CHST15: variants seen among roughly 807,000 people sequenced by gnomAD.
CHST15 encodes the protein carbohydrate sulfotransferase 15, also known as B cell RAG associated protein (GALNAC4S-6ST).
In CHST15, 30 loss-of-function variants were observed where a neutral mutation model predicts 53.6. That is an observed-to-expected ratio of 0.56 (90% confidence interval 0.42 to 0.76). The LOEUF (loss-of-function observed/expected upper bound fraction) is 0.76, where lower values mean the gene tolerates loss of function less well. Ranked by LOEUF, CHST15 falls within the 30% of genes least tolerant of loss-of-function variation. The pLI, the probability that CHST15 is intolerant of heterozygous loss-of-function variation, is 0.00. For missense variants in CHST15, 627 were observed against 740.5 expected (o/e 0.85, Z 1.78); for synonymous variants, 296 against 289.8 (o/e 1.02, Z -0.22).
At chr10:124,085,174 A>T (rs1222143084) in intron 1 of CHST15, among the ~76,000 whole-genome samples, 1 of 152,266 alleles carries the variant, frequency 6.6e-6, no homozygotes, top group Non-Finnish European at 1.5e-5. Context: ...ATGCCAGGAC[A>T]TACTTTATAT....
At chr10:124,013,833 C>T (rs1946496599) in intron 6 of CHST15, among the ~76,000 whole-genome samples, 1 of 152,180 alleles carries the variant, frequency 6.6e-6, no homozygotes, top group Non-Finnish European at 1.5e-5. Flanking sequence ...CTGTGTCTGC[C>T]CAGAACTTCT....
In CHST15 at chr10:124,045,851, C is replaced by T; in HGVS notation, c.362G>A (p.Ser121Asn). Reference sequence around the variant, plus strand: ...ACTTGGGTTTTCGCTGTCCATCAAGCTGGGGTTGCTGGGGAAGCCTCCGTA... The same window carrying T: ...ACTTGGGTTTTCGCTGTCCATCAAGTTGGGGTTGCTGGGGAAGCCTCCGTA... Reference protein sequence around the residue: ...FHYGGFPSNPSLMDSENPSDT... With the variant: ...FHYGGFPSNPNLMDSENPSDT... Residue 121 changes from serine (S) to asparagine (N), a missense_variant, in exon 2 of 8, where the codon AGC becomes AAC. Ser to Asn is a conservative substitution (Grantham distance 46). Around this residue, in one of 3 missense-constraint regions of CHST15, gnomAD observed 187 missense variants for 251.8 expected, o/e 0.74. Coordinates refer to ENST00000435907, the MANE Select transcript of CHST15 (RefSeq NM_001270764.2). The T allele has an allele frequency of 6.2e-7, 1 of 1,613,804 alleles. No homozygotes were observed. Among genetic ancestry groups the T allele is most frequent in the Non-Finnish European group, 8.5e-7 (1 of 1,179,992 alleles).
chr10:124,037,825 A>T (rs192268142), intron 5 of CHST15, among the ~76,000 whole-genome samples: 200 of 152,334 alleles, frequency 1.3e-3, no homozygotes, highest in Non-Finnish European at 2.4e-3. Context: ...GGATAAAGGC[A>T]TCAACCACGT....
At position 124,063,337 on chromosome 10, in the gene CHST15, C is replaced by T. The variant is rs1301278982; in HGVS notation, c.-512-16613G>A. 4.6e-5 allele frequency among the ~76,000 whole-genome samples: 7 copies of T among 151,962 alleles called. 1 individual carries two copies. In the South Asian group the frequency reaches 1.2e-3, roughly 27 times the overall value. On this transcript the variant is annotated intron_variant, in intron 1 of 7. Transcript: ENST00000435907. The stretch of plus-strand genomic sequence containing the variant: ...GGTGGAGGTTGCAGTGAGCTGAGAT[C>T]GCACCACTGCACTCCAGCCTGGGGG...
chr10:124,069,500 G>A (rs1948849080), intron 1 of CHST15, among the ~76,000 whole-genome samples: 1 of 152,194 alleles, frequency 6.6e-6, no homozygotes, highest in African/African-American at 2.4e-5. Flanking sequence ...TCTCTGGCAA[G>A]TCTCTGAGTC....
intron 1 of CHST15, among the ~76,000 whole-genome samples, chr10:124,091,697 G>C (rs1283360295): frequency 6.6e-6 from 1 of 152,272 alleles, no homozygotes; most frequent in African/African-American, 2.4e-5. Context: ...TAACCAACGT[G>C]AACAAGGCGA....
intron 1 of CHST15, among the ~76,000 whole-genome samples, chr10:124,056,412 G>A (rs1948382359): frequency 6.6e-6 from 1 of 152,182 alleles, no homozygotes; most frequent in African/African-American, 2.4e-5. Context: ...TCTCAATTCA[G>A]ACTCTATTCA....
At chr10:124,086,003 G>A (rs1430635129) in intron 1 of CHST15, among the ~76,000 whole-genome samples, 1 of 152,158 alleles carries the variant, frequency 6.6e-6, no homozygotes, top group East Asian at 1.9e-4. Context: ...GCCCTGTGGG[G>A]GGCTGGGACC....
intron 4 of CHST15, among the ~76,000 whole-genome samples, chr10:124,041,277 A>G (rs1250984340): frequency 6.6e-6 from 1 of 152,262 alleles, no homozygotes; most frequent in Non-Finnish European, 1.5e-5. Flanking sequence ...GATTGCAAAT[A>G]TAACAGATCT....
chr10:124,056,035 A>G (rs1948369987), intron 1 of CHST15, among the ~76,000 whole-genome samples: 1 of 152,172 alleles, frequency 6.6e-6, no homozygotes, highest in Non-Finnish European at 1.5e-5. Flanking sequence ...AGGAGAAACC[A>G]AGGCCAGTGT....
chr10:124,091,647 G>C (rs1949602552), intron 1 of CHST15, among the ~76,000 whole-genome samples: 1 of 152,246 alleles, frequency 6.6e-6, no homozygotes, highest in Admixed American at 6.5e-5. Flanking sequence ...GGGGCATCCC[G>C]GAGCCACACT....
intron 7 of CHST15, among the ~76,000 whole-genome samples, chr10:124,011,240 T>C (rs561825576): frequency 7.9e-5 from 12 of 152,324 alleles, no homozygotes; most frequent in African/African-American, 2.9e-4. Context: ...GCCAAAGTCC[T>C]TAGCCCATAG....
In CHST15 at chr10:124,046,650, TC is replaced by T. The variant is rs1201268987; in HGVS notation, c.-439del. The T allele has an allele frequency of 6.4e-6, 1 of 157,310 alleles. No homozygotes were observed. The highest frequency in any genetic ancestry group is 1.9e-4 in the East Asian group (1 of 5,342). 9.7% of individuals were successfully genotyped at this position (157,310 alleles called of 1,614,324 possible). ...ATCCACGGAGGCATCTGTGAAGATC[TC>T]CCCTTTTACATCCTGAGTACCTTTG... On this transcript the variant is annotated 5_prime_UTR_variant, in exon 2 of 8. Coordinates refer to ENST00000435907, the MANE Select transcript of CHST15 (RefSeq NM_001270764.2).
At chr10:124,068,842 A>C (rs1202283314) in intron 1 of CHST15, among the ~76,000 whole-genome samples, 1 of 152,212 alleles carries the variant, frequency 6.6e-6, no homozygotes, top group East Asian at 1.9e-4. Flanking sequence ...ATAACTGTAA[A>C]ATGTTCTATT....
intron 1 of CHST15, among the ~76,000 whole-genome samples, chr10:124,085,303 G>A (rs1222423180): frequency 2.0e-5 from 3 of 152,170 alleles, no homozygotes; most frequent in Non-Finnish European, 2.9e-5. Context: ...AGACGGCTCC[G>A]CTTATATTCC....
In CHST15 at chr10:124,009,216, T is replaced by C. The variant is rs1590165859; in HGVS notation, c.*933A>G. On this transcript the variant is annotated 3_prime_UTR_variant, in exon 8 of 8. Coordinates refer to ENST00000435907, the MANE Select transcript of CHST15 (RefSeq NM_001270764.2). ...CTGATGAGGGCTTGAATTACCTAGATTTTCCAAGAAGTGTTCAATTCCTTG... is the reference window on the plus strand; with the variant it reads ...CTGATGAGGGCTTGAATTACCTAGACTTTCCAAGAAGTGTTCAATTCCTTG... The C allele has an allele frequency of 3.5e-6, 4 of 1,133,908 alleles. No individual in the cohort carries two copies. Among genetic ancestry groups the C allele is most frequent in the Non-Finnish European group, 4.4e-6 (4 of 908,076 alleles). 70.2% of individuals were successfully genotyped at this position (1,133,908 alleles called of 1,614,324 possible). A position where few individuals can be genotyped will look rare whatever the true frequency, so the allele number is the denominator to read the frequency against.
At chr10:124,053,692 G>A (rs369234795) in intron 1 of CHST15, among the ~76,000 whole-genome samples, 3 of 151,912 alleles carry the variant, frequency 2.0e-5, no homozygotes, top group African/African-American at 7.3e-5. Flanking sequence ...CTAGGCAGGC[G>A]GATGACTCAA....
rs1946356856 is a variant in CHST15, at chr10:124,009,656, A to G, written c.*493T>C. The G allele has an allele frequency of 1.0e-6, 1 of 1,001,860 alleles. No homozygotes were observed. Among genetic ancestry groups the G allele is most frequent in the South Asian group, 4.2e-5 (1 of 23,816 alleles). 62.1% of individuals were successfully genotyped at this position (1,001,860 alleles called of 1,614,324 possible). On this transcript the variant is annotated 3_prime_UTR_variant, in exon 8 of 8. Transcript: ENST00000435907. Reference sequence around the variant, plus strand: ...GAATGTGGTATGATCACACCTGTGAAGATAGCCATTGAATACAGACAGTCT... The same window carrying G: ...GAATGTGGTATGATCACACCTGTGAGGATAGCCATTGAATACAGACAGTCT...
chr10:124,056,283 G>C (rs1192201704), intron 1 of CHST15, among the ~76,000 whole-genome samples: 5 of 152,148 alleles, frequency 3.3e-5, no homozygotes, highest in Admixed American at 2.6e-4. Context: ...CTCACCCAGA[G>C]ACACAGGACA....
Sources: gnomAD v4.1 joint callset for allele counts (sites outside exome capture counted in the v4.1 genomes callset) on GRCh38, gnomAD v4.1.1 for gene constraint, gnomAD v4.1.1 regional missense constraint, MANE v1.5 for transcripts, NCBI Gene and HGNC (gene_info 2026-07-23, HGNC 2026-07-21) for gene names.